SNTG1: variants seen among roughly 807,000 people sequenced by gnomAD.
SNTG1 encodes the protein gamma-1-syntrophin.
A neutral mutation model predicts 74.7 loss-of-function variants in SNTG1; 39 were observed. The ratio of observed to expected loss-of-function variants is 0.52; its 90% CI spans 0.40 to 0.68. The LOEUF is 0.68. Among genes scored for constraint, SNTG1 ranks in the 30% least tolerant of loss-of-function variants. SNTG1 has a pLI of 0.00. For synonymous variants in SNTG1, 254 were observed against 217.1 expected (o/e 1.17, Z -1.49); for missense variants, 685 against 609.5 (o/e 1.12, Z -1.30).
intron 17 of SNTG1, among the ~76,000 whole-genome samples, chr8:50,709,791 C>T (rs991866841): frequency 6.6e-6 from 1 of 152,180 alleles, no homozygotes; most frequent in Non-Finnish European, 1.5e-5. Flanking sequence ...TTGAGGATCT[C>T]AGTTCCTTAG....
intron 4 of SNTG1, among the ~76,000 whole-genome samples, chr8:50,406,099 TA>T (rs2092872111): frequency 6.6e-6 from 1 of 152,148 alleles, no homozygotes; most frequent in Non-Finnish European, 1.5e-5. Flanking sequence ...TTGCAGTTTT[TA>T]TAAGGATCAT....
chr8:50,607,934 A>T (rs1182188902), intron 13 of SNTG1, among the ~76,000 whole-genome samples: 8 of 151,624 alleles, frequency 5.3e-5, no homozygotes, highest in Admixed American at 4.6e-4. Context: ...GTAGTTTCTT[A>T]ATTTGCCTGT....
intron 1 of SNTG1, among the ~76,000 whole-genome samples, chr8:50,049,478 A>T (rs1193861274): frequency 1.3e-5 from 2 of 152,162 alleles, no homozygotes; most frequent in Non-Finnish European, 2.9e-5. Context: ...TTAAAAACAG[A>T]CGATCTTTAT....
intron 3 of SNTG1, among the ~76,000 whole-genome samples, chr8:50,400,788 A>G (rs1193916067): frequency 6.6e-6 from 1 of 152,144 alleles, no homozygotes; most frequent in South Asian, 2.1e-4. Flanking sequence ...TGGTTACCAC[A>G]CACTGGGGTG....
At chr8:50,407,440 T>G (rs1298066788) in intron 4 of SNTG1, among the ~76,000 whole-genome samples, 4 of 152,174 alleles carry the variant, frequency 2.6e-5, no homozygotes, top group Non-Finnish European at 5.9e-5. Context: ...AGTTTACTCA[T>G]GAGGGAGAAA....
At chr8:50,448,707 CT>C in intron 5 of SNTG1, among the ~76,000 whole-genome samples, 1 of 151,832 alleles carries the variant, frequency 6.6e-6, no homozygotes. Flanking sequence ...ACTTGTCTTT[CT>C]TTTTTCATAT....
intron 1 of SNTG1, among the ~76,000 whole-genome samples, chr8:50,102,433 G>A (rs1429854750): frequency 1.4e-5 from 2 of 147,642 alleles, no homozygotes; most frequent in African/African-American, 2.5e-5. Flanking sequence ...AAATTTGTTT[G>A]AGTTCATTGT....
At chr8:50,249,389 C>A (rs776488996) in intron 2 of SNTG1, among the ~76,000 whole-genome samples, 2 of 151,560 alleles carry the variant, frequency 1.3e-5, no homozygotes, top group East Asian at 1.9e-4. Flanking sequence ...GGCAGTCCTG[C>A]CCCATAAGCT....
chr8:50,382,125 G>A (rs1325359121), intron 2 of SNTG1: 1 of 151,852 alleles, frequency 6.6e-6, no homozygotes, highest in Non-Finnish European at 1.5e-5. Flanking sequence ...GGGTGGTTCT[G>A]ACTTTCCCAG....
intron 16 of SNTG1, chr8:50,707,795 A>G (rs1009633997): frequency 3.1e-6 from 1 of 319,650 alleles, no homozygotes; most frequent in African/African-American, 2.2e-5. Flanking sequence ...AATTAAATGC[A>G]AATAAAACTG....
intron 1 of SNTG1, among the ~76,000 whole-genome samples, chr8:50,005,257 A>C (rs1563459066): frequency 6.6e-6 from 1 of 152,202 alleles, no homozygotes; most frequent in East Asian, 1.9e-4. Flanking sequence ...TATCATCAAG[A>C]GTGTTATACA....
intron 15 of SNTG1, among the ~76,000 whole-genome samples, chr8:50,698,735 G>T (rs2095413471): frequency 6.6e-6 from 1 of 152,100 alleles, no homozygotes; most frequent in Admixed American, 6.5e-5. Flanking sequence ...GGAAGTGCAT[G>T]GGACACTTCC....
In SNTG1 at chr8:49,920,512, G is replaced by A. The variant is rs527801760; in HGVS notation, c.-103+8281G>A. 3.3e-5 allele frequency among the ~76,000 whole-genome samples: 5 copies of A among 152,038 alleles called. No homozygotes were observed. In the East Asian group the frequency reaches 9.7e-4, roughly 29 times the overall value. ...CTCTCTTCTTATAACACCTATTATA[G>A]GCTTGACTTGCTTTAGATTGCAGTA... is the stretch of plus-strand genomic sequence containing the variant. On this transcript the variant is annotated intron_variant, in intron 1 of 18. Coordinates refer to ENST00000642720, the MANE Select transcript of SNTG1 (RefSeq NM_018967.5).
chr8:50,178,251 G>A (rs2083071702), intron 2 of SNTG1, among the ~76,000 whole-genome samples: 2 of 152,100 alleles, frequency 1.3e-5, no homozygotes, highest in Admixed American at 1.3e-4. Context: ...GTTTTCCAAT[G>A]TGGCAAAACC....
rs1404748111 is a variant in SNTG1, at chr8:50,450,549, T to C, written c.278-7T>C. ...ATGCATTATCAATTGTGCTTTTTCA[T>C]TCACAGCGGAACTTTCAGGACTACT... On this transcript the variant is annotated splice_polypyrimidine_tract_variant and splice_region_variant and intron_variant, in intron 6 of 18. Transcript: ENST00000642720. 2 of 1,613,312 alleles carry C rather than the reference T, an allele frequency of 1.2e-6. No individual in the cohort carries two copies.
intron 1 of SNTG1, among the ~76,000 whole-genome samples, chr8:50,113,147 C>G (rs1012095941): frequency 1.2e-4 from 18 of 152,170 alleles, no homozygotes; most frequent in East Asian, 9.7e-4. Flanking sequence ...AAAGTCATTG[C>G]TAGCTTGATG....
chr8:50,649,172 T>C (rs948644373), intron 13 of SNTG1, among the ~76,000 whole-genome samples: 1 of 152,172 alleles, frequency 6.6e-6, no homozygotes, highest in Non-Finnish European at 1.5e-5. Context: ...TTGGGACTAC[T>C]AAAGAGAATG....
chr8:50,015,233 T>G (rs1041471367), intron 1 of SNTG1, among the ~76,000 whole-genome samples: 3 of 152,014 alleles, frequency 2.0e-5, no homozygotes, highest in Non-Finnish European at 4.4e-5. Context: ...TTTGGTGATG[T>G]AAAGCAAAAT....
At chr8:50,637,778 G>A (rs2095048425) in intron 13 of SNTG1, among the ~76,000 whole-genome samples, 1 of 151,850 alleles carries the variant, frequency 6.6e-6, no homozygotes, top group African/African-American at 2.4e-5. Context: ...TTAAAATAAT[G>A]TATCTAAAAT....
Sources: gnomAD v4.1 joint callset for allele counts (sites outside exome capture counted in the v4.1 genomes callset) on GRCh38, gnomAD v4.1.1 for gene constraint, MANE v1.5 for transcripts, NCBI Gene and HGNC (gene_info 2026-07-23, HGNC 2026-07-21) for gene names.